TMEM132A: variants seen among roughly 807,000 people sequenced by gnomAD.
TMEM132A encodes the protein GRP78-binding protein.
A neutral mutation model predicts 69.9 loss-of-function variants in TMEM132A; 48 were observed. The ratio of observed to expected loss-of-function variants is 0.69; its 90% CI spans 0.55 to 0.87. The LOEUF (loss-of-function observed/expected upper bound fraction) is 0.87. Among genes scored for constraint, TMEM132A ranks in the 40% least tolerant of loss-of-function variants. The pLI is 0.00. For synonymous variants in TMEM132A, 577 were observed against 613.7 expected (o/e 0.94, Z 0.88); for missense variants, 1,287 against 1,407.2 (o/e 0.91, Z 1.37).
At chr11:60,926,513 C>G (rs1263960744) in intron 1 of TMEM132A, 1 of 152,942 alleles carries the variant, frequency 6.5e-6, no homozygotes, top group African/African-American at 2.4e-5. Context: ...ATAGTTAGAG[C>G]AAACCAATAT....
chr11:60,936,225 T>C lies in TMEM132A; in HGVS notation c.2390T>C (p.Val797Ala), dbSNP rs1398335908. 6.2e-7 allele frequency: 1 copy of C among 1,613,748 alleles called. No individual in the cohort carries two copies. Reference protein sequence around the residue: ...TEATMGGKRQVAGSVGGNTGV... With the variant: ...TEATMGGKRQAAGSVGGNTGV... Reference sequence around the variant, plus strand: ...GCCACCATGGGTGGTAAACGGCAGGTGGCAGGCAGTGTCGGGGGCAACACA... The same window carrying C: ...GCCACCATGGGTGGTAAACGGCAGGCGGCAGGCAGTGTCGGGGGCAACACA... The change falls in exon 11 of 11, where the codon GTG becomes GCG. Residue 797 changes from valine (V) to alanine (A), a missense_variant. Transcript: ENST00000453848.
In TMEM132A at chr11:60,930,676, C is replaced by T; in HGVS notation, c.1016+17C>T. On this transcript the variant is annotated intron_variant, in intron 5 of 10. Transcript: ENST00000453848. Reference sequence around the variant, plus strand: ...AGATTCCAGGTGGGCAGTTTCCCTCCACCCAGGGGGCAAAGGAGGGAGGGC... The same window carrying T: ...AGATTCCAGGTGGGCAGTTTCCCTCTACCCAGGGGGCAAAGGAGGGAGGGC... The T allele has an allele frequency of 1.3e-6, 2 of 1,599,572 alleles. No homozygotes were observed. The highest frequency in any genetic ancestry group is 1.7e-6 in the Non-Finnish European group (2 of 1,173,810).
Position 60,924,719 on chromosome 11 carries a change from T to G in TMEM132A, c.86T>G (p.Leu29Arg). 6.3e-7 allele frequency: 1 copy of G among 1,580,626 alleles called. No homozygotes were observed. The highest frequency in any genetic ancestry group is 8.5e-7 in the Non-Finnish European group (1 of 1,171,144). The stretch of plus-strand genomic sequence containing the variant: ...CTCTGCCTCCTGGTGGCCCTCGCCC[T>G]GGACGTCGTGAGAGGTCAGCGGGAG... ...PWLCLLVALA[L>R]DVVRVDCGQA... is the part of the protein sequence containing the mutation. Residue 29 changes from leucine (L) to arginine (R), a missense_variant, in exon 1 of 11, where the codon CTG (leucine) becomes CGG (arginine). Physicochemically the swap from Leu to Arg is moderately radical, Grantham distance 102. Coordinates refer to ENST00000453848, the MANE Select transcript of TMEM132A (RefSeq NM_178031.3).
Position 60,924,603 on chromosome 11 carries a change from G to A in TMEM132A, c.-31G>A. The stretch of plus-strand genomic sequence containing the variant: ...GTGCGGGACTGGGGCCACCTGAGCC[G>A]CCCGCCTCGTCCCCGCCTTCTGTGG... On this transcript the variant is annotated 5_prime_UTR_variant, in exon 1 of 11. Transcript: ENST00000453848. 2 of 1,557,870 alleles carry A rather than the reference G, an allele frequency of 1.3e-6. No individual in the cohort carries two copies. The highest frequency in any genetic ancestry group is 1.4e-5 in the African/African-American group (1 of 72,612).
At chr11:60,933,832 C>A in intron 8 of TMEM132A, 88 bp downstream of exon 8, 2 of 1,310,768 alleles carry the variant, frequency 1.5e-6, no homozygotes, top group South Asian at 1.5e-5. Context: ...GGGCCCAAGT[C>A]GGGGTCAGAA....
In TMEM132A at chr11:60,931,877, T is replaced by C. The variant is rs770546795; in HGVS notation, c.1205T>C (p.Leu402Pro). 4 of 1,614,198 alleles carry C rather than the reference T, an allele frequency of 2.5e-6. No homozygotes were observed. The South Asian group carries it at 4.4e-5, about 18-fold the overall frequency. ...SERDIRALIP[L>P]AKAEELVNTA... The stretch of plus-strand genomic sequence containing the variant: ...CGGGACATCAGAGCCCTTATCCCAC[T>C]GGCCAAGGTAAGGAGACCTCCATCT... The change falls in exon 6 of 11, where the codon CTG (leucine) becomes CCG (proline). Residue 402 changes from leucine (L) to proline (P), a missense_variant. Leu to Pro is a moderately conservative substitution (Grantham distance 98, BLOSUM62 -3). Transcript: ENST00000453848.
Position 60,933,692 on chromosome 11 carries a change from G to T in TMEM132A, c.1507G>T (p.Asp503Tyr). The change falls in exon 8 of 11, where the codon GAC (aspartate) becomes TAC (tyrosine). Residue 503 changes from aspartate to tyrosine, a missense_variant. Coordinates refer to ENST00000453848, the MANE Select transcript of TMEM132A (RefSeq NM_178031.3). Reference protein sequence around the residue: ...PLLPLRIELTDTTLEQVRGWR... With the variant: ...PLLPLRIELTYTTLEQVRGWR... ...GCTACCGCTGCGTATCGAGCTCACC[G>T]ACACCACCCTCGAGCAGGTCCGCGG... is the stretch of plus-strand genomic sequence containing the variant. 1 of 1,603,088 alleles carries T rather than the reference G, an allele frequency of 6.2e-7. No individual in the cohort carries two copies. The highest frequency in any genetic ancestry group is 8.5e-7 in the Non-Finnish European group (1 of 1,177,022).
chr11:60,936,340 G>A lies in TMEM132A; in HGVS notation c.2505G>A (p.Glu835=), dbSNP rs1266031665. 2 of 1,614,028 alleles carry A rather than the reference G, an allele frequency of 1.2e-6. No homozygotes were observed. The highest frequency in any genetic ancestry group is 1.3e-5 in the African/African-American group (1 of 74,940). The change falls in exon 11 of 11, where the codon GAG becomes GAA. Residue 835 remains glutamate (E), a synonymous_variant. Coordinates refer to ENST00000453848, the MANE Select transcript of TMEM132A (RefSeq NM_178031.3). ...AREEEEEEEE[E]MVPAPQHVTE... is the part of the protein sequence containing the mutation. ...AGGAGGAGGAGGAAGAGGAGGAGGA[G>A]ATGGTCCCTGCCCCTCAGCATGTCA...
chr11:60,932,238 G>C (rs762714583), intron 7 of TMEM132A, 111 bp downstream of exon 7: 25 of 1,326,828 alleles, frequency 1.9e-5, no homozygotes, highest in Non-Finnish European at 2.3e-5. Context: ...GCTTCTTCTT[G>C]AGACGAGAAA....
chr11:60,931,402 C>T (rs1460029125), intron 5 of TMEM132A, among the ~76,000 whole-genome samples: 2 of 152,096 alleles, frequency 1.3e-5, no homozygotes, highest in Middle Eastern at 3.2e-3. Context: ...GAAGCGGGCC[C>T]GGGCAGGCAG....
intron 4 of TMEM132A, 33 bp downstream of exon 4, chr11:60,928,993 G>A: frequency 6.2e-7 from 1 of 1,606,614 alleles, no homozygotes; most frequent in Non-Finnish European, 8.5e-7. Flanking sequence ...GGGTGAGGGT[G>A]GGAACCTCTG....
rs555704262 is a variant in TMEM132A, at chr11:60,926,998, C to G, written c.101-206C>G. ...AAGCATCCAGTCCTGGACTCAGATT[C>G]GAATCCTGGCTTTGCTACATACTAC... On this transcript the variant is annotated intron_variant, in intron 1 of 10. Coordinates refer to ENST00000453848, the MANE Select transcript of TMEM132A (RefSeq NM_178031.3). The G allele has an allele frequency of 6.4e-6, 4 of 620,802 alleles. No individual in the cohort carries two copies. The Admixed American group carries it at 7.7e-5, about 12-fold the overall frequency. The allele number at this position is 620,802 out of a possible 1,614,324, so 38.5% of individuals were successfully genotyped here.
At chr11:60,926,898 G>T (rs781188438) in intron 1 of TMEM132A, among the ~76,000 whole-genome samples, 6 of 152,154 alleles carry the variant, frequency 3.9e-5, no homozygotes, top group Non-Finnish European at 8.8e-5. Flanking sequence ...GCAGGAGTTG[G>T]GGAAAAGGAG....
chr11:60,935,170 G>A lies in TMEM132A; in HGVS notation c.1837-82G>A, dbSNP rs1856563535. On this transcript the variant is annotated intron_variant, in intron 9 of 10. Transcript: ENST00000453848. The surrounding 1 kb of genome is among the most constrained non-coding windows in gnomAD (Gnocchi z 5.0). The stretch of plus-strand genomic sequence containing the variant: ...CCACCTCCGGAGGGCAGCCCGTGAG[G>A]GTGCTGGGAGCACCCGGTTCCCTCT... 7.3e-7 allele frequency: 1 copy of A among 1,366,326 alleles called. No individual in the cohort carries two copies. The highest frequency in any genetic ancestry group is 1.0e-6 in the Non-Finnish European group (1 of 993,854). 84.6% of individuals were successfully genotyped at this position (1,366,326 alleles called of 1,614,324 possible).
At chr11:60,930,747 C>A in intron 5 of TMEM132A, 88 bp downstream of exon 5, 1 of 1,335,032 alleles carries the variant, frequency 7.5e-7, no homozygotes, top group Non-Finnish European at 1.0e-6. Context: ...GCCATGCTGC[C>A]TCTAGATCCC....
In TMEM132A at chr11:60,935,818, C is replaced by T. The variant is rs533470426; in HGVS notation, c.2029-46C>T. 33 of 1,593,934 alleles carry T rather than the reference C, an allele frequency of 2.1e-5. No homozygotes were observed. The highest frequency in any genetic ancestry group is 1.0e-4 in the Admixed American group (6 of 58,050). On this transcript the variant is annotated intron_variant, in intron 10 of 10. Transcript: ENST00000453848. This position sits in a 1 kb window ranked among gnomAD's most constrained non-coding sequence, Gnocchi z 5.0. Reference sequence around the variant, plus strand: ...TGTGGGAGTGGTTTCTCTGTGCATGCGTGCGTGCCCTCGCATGTCTCTGCC... The same window carrying T: ...TGTGGGAGTGGTTTCTCTGTGCATGTGTGCGTGCCCTCGCATGTCTCTGCC...
Position 60,936,872 on chromosome 11 carries a change from C to T in TMEM132A, c.3037C>T (p.Arg1013Cys), listed in dbSNP as rs749168270. 46 of 1,585,382 alleles carry T rather than the reference C, an allele frequency of 2.9e-5. No individual in the cohort carries two copies. Among genetic ancestry groups the T allele is most frequent in the East Asian group, 1.8e-4 (8 of 44,622 alleles). ...DMGLKDPEEL[R>C]NYMERIRGSS ...GGGGCTGAAGGACCCTGAGGAGCTT[C>T]GCAACTACATGGAGAGGATCCGGGG... Residue 1013 changes from arginine to cysteine, a missense_variant, in exon 11 of 11, where the codon CGC becomes TGC. Arg to Cys is a radical substitution (Grantham distance 180). Transcript: ENST00000453848.
At position 60,932,084 on chromosome 11, in the gene TMEM132A, CAG is replaced by C; in HGVS notation, c.1316_1317del (p.Glu439AlafsTer16). On this transcript the variant is annotated frameshift_variant, in exon 7 of 11. Transcript: ENST00000453848. LOFTEE classifies it high-confidence loss of function. ...GGCGGGGGGGCCTTGGTGGAGGTGA[CAG>C]AGCATGTCGGCTGCGAGTCTGCCAA... The C allele has an allele frequency of 6.4e-7, 1 of 1,570,470 alleles. No individual in the cohort carries two copies. The highest frequency in any genetic ancestry group is 8.6e-7 in the Non-Finnish European group (1 of 1,161,832).
intron 5 of TMEM132A, 95 bp downstream of exon 5, chr11:60,930,754 T>C: frequency 7.8e-7 from 1 of 1,289,868 alleles, no homozygotes; most frequent in Non-Finnish European, 1.0e-6. Flanking sequence ...TGCCTCTAGA[T>C]CCCCAGGTGA....
Sources: gnomAD v4.1 joint callset for allele counts (sites outside exome capture counted in the v4.1 genomes callset) on GRCh38, gnomAD v4.1.1 for gene constraint, Gnocchi (gnomAD v3.1) non-coding constraint, MANE v1.5 for transcripts, NCBI Gene and HGNC (gene_info 2026-07-23, HGNC 2026-07-21) for gene names.